SMAP1: variants seen among roughly 807,000 people sequenced by gnomAD.
SMAP1 encodes small ArfGAP 1.
In SMAP1, 24 loss-of-function variants were observed where a neutral mutation model predicts 58.5. That is an observed-to-expected ratio of 0.41 (90% CI 0.30 to 0.58). The LOEUF (loss-of-function observed/expected upper bound fraction) is 0.58, where lower values mean the gene tolerates loss of function less well. SMAP1 is among the 20% of genes least tolerant of loss of function. SMAP1 has a pLI of 0.29. For synonymous variants in SMAP1, 216 were observed against 196.6 expected, an observed-to-expected ratio of 1.10 and a Z score of -0.82; for missense variants, 563 against 566.3, an observed-to-expected ratio of 0.99 and a Z score of 0.06.
intron 10 of SMAP1, chr6:70,859,835 T>C (rs1291793852): frequency 2.4e-4 from 45 of 184,436 alleles, no homozygotes. Context: ...ATACAAAGTT[T>C]ATAGGATAAT....
At chr6:70,817,390 T>C (rs1457008590) in intron 6 of SMAP1, among the ~76,000 whole-genome samples, 1 of 152,146 alleles carries the variant, frequency 6.6e-6, no homozygotes, top group Non-Finnish European at 1.5e-5. Context: ...TCTTCTGATC[T>C]TTGGAAAGTT....
intron 1 of SMAP1, among the ~76,000 whole-genome samples, chr6:70,722,707 T>C (rs1362568150): frequency 6.6e-6 from 1 of 152,244 alleles, no homozygotes; most frequent in Non-Finnish European, 1.5e-5. Flanking sequence ...GTATTCCTTA[T>C]GGGAAACAAA....
At chr6:70,848,531 T>A (rs1771071565) in intron 7 of SMAP1, among the ~76,000 whole-genome samples, 1 of 152,144 alleles carries the variant, frequency 6.6e-6, no homozygotes, top group Admixed American at 6.5e-5. Flanking sequence ...GTGAGAAGAC[T>A]CTGTTCTGGT....
chr6:70,682,066 T>C (rs867793672), intron 1 of SMAP1, among the ~76,000 whole-genome samples: 3 of 151,122 alleles, frequency 2.0e-5, no homozygotes, highest in Non-Finnish European at 4.4e-5. Context: ...TGTGAGAGAG[T>C]AAGATGGGTC....
At chr6:70,819,193 G>A (rs1050115013) in intron 6 of SMAP1, among the ~76,000 whole-genome samples, 6 of 151,912 alleles carry the variant, frequency 3.9e-5, no homozygotes, top group African/African-American at 7.3e-5. Flanking sequence ...GCATGTAAAA[G>A]TACTGCATTC....
intron 6 of SMAP1, among the ~76,000 whole-genome samples, chr6:70,835,092 A>C (rs1770518688): frequency 6.6e-6 from 1 of 151,646 alleles, no homozygotes; most frequent in African/African-American, 2.4e-5. Context: ...TACTAAAAAA[A>C]AAAAAAAAAA....
intron 3 of SMAP1, among the ~76,000 whole-genome samples, chr6:70,756,128 C>G (rs938343083): frequency 1.3e-5 from 2 of 151,960 alleles, no homozygotes; most frequent in African/African-American, 4.8e-5. Context: ...AAAAGCAGCT[C>G]ATCAAAATTG....
intron 1 of SMAP1, among the ~76,000 whole-genome samples, chr6:70,700,337 C>CA (rs1235716543): frequency 6.6e-6 from 1 of 152,234 alleles, no homozygotes; most frequent in Non-Finnish European, 1.5e-5. Flanking sequence ...GTCTCACTGT[C>CA]ACCCAGGCTG....
At position 70,861,440 on chromosome 6, in the gene SMAP1, C is replaced by T. The variant is rs1771723482; in HGVS notation, c.*1106C>T. 2 of 525,306 alleles carry T rather than the reference C, an allele frequency of 3.8e-6. No individual in the cohort carries two copies. Among genetic ancestry groups the T allele is most frequent in the African/African-American group, 1.9e-5 (1 of 52,756 alleles). The allele number at this position is 525,306 out of a possible 1,614,324, so 32.5% of individuals were successfully genotyped here. A position where few individuals can be genotyped will look rare whatever the true frequency, so the allele number is the denominator to read the frequency against. Reference sequence around the variant, plus strand: ...TCCAATTTAGTTGTTGTAGAGAAAACATGCAGAACAAATGAAGACAAAACA... The same window carrying T: ...TCCAATTTAGTTGTTGTAGAGAAAATATGCAGAACAAATGAAGACAAAACA... On this transcript the variant is annotated 3_prime_UTR_variant, in exon 11 of 11. Transcript: ENST00000370455.
At chr6:70,790,986 T>C (rs965629813) in intron 4 of SMAP1, among the ~76,000 whole-genome samples, 4 of 152,194 alleles carry the variant, frequency 2.6e-5, no homozygotes, top group African/African-American at 9.7e-5. Flanking sequence ...AAAAAGCTTT[T>C]AGATGAAACC....
At chr6:70,733,378 T>A (rs1765502128) in intron 2 of SMAP1, among the ~76,000 whole-genome samples, 1 of 152,186 alleles carries the variant, frequency 6.6e-6, no homozygotes. Context: ...AGCTTTTCGC[T>A]GGCTAGAGCA....
chr6:70,778,837 G>T (rs1420876215), intron 4 of SMAP1, among the ~76,000 whole-genome samples: 1 of 152,182 alleles, frequency 6.6e-6, no homozygotes, highest in African/African-American at 2.4e-5. Context: ...GTGGCCATGG[G>T]GTACCTCTAA....
chr6:70,673,153 A>G (rs975407398), intron 1 of SMAP1, among the ~76,000 whole-genome samples: 1 of 152,216 alleles, frequency 6.6e-6, no homozygotes, highest in Non-Finnish European at 1.5e-5. Flanking sequence ...TTACCAAGTC[A>G]TTGGAAGGGC....
chr6:70,675,890 G>A (rs551479718), intron 1 of SMAP1, among the ~76,000 whole-genome samples: 8 of 152,286 alleles, frequency 5.3e-5, no homozygotes, highest in Admixed American at 3.3e-4. Flanking sequence ...TAAGTTGTTT[G>A]TATAATAAAT....
intron 1 of SMAP1, 65 bp downstream of exon 1, chr6:70,668,206 G>T: frequency 7.0e-7 from 1 of 1,429,592 alleles, no homozygotes; most frequent in Non-Finnish European, 9.7e-7. Context: ...TCCCGCCGCT[G>T]CGGCGCTCGG....
At chr6:70,690,406 A>G (rs1767111503) in intron 1 of SMAP1, among the ~76,000 whole-genome samples, 1 of 151,996 alleles carries the variant, frequency 6.6e-6, no homozygotes, top group Non-Finnish European at 1.5e-5. Context: ...TCCTGGGTTC[A>G]AATGATTCTC....
rs775354035 is a variant in SMAP1 at position 70,859,353 on chromosome 6, C to G, written c.1270-847C>G. 3.9e-6 allele frequency: 6 copies of G among 1,549,058 alleles called. No homozygotes were observed. In the South Asian group the frequency reaches 4.8e-5, roughly 12 times the overall value. On this transcript the variant is annotated intron_variant, in intron 10 of 10. Coordinates refer to ENST00000370455, the MANE Select transcript of SMAP1 (RefSeq NM_001044305.3). Reference sequence around the variant, plus strand: ...GATAATGCAGAAGGGTGATGCTGTTCTCCAGCACTCCATCAGTGCAATCTA... The same window carrying G: ...GATAATGCAGAAGGGTGATGCTGTTGTCCAGCACTCCATCAGTGCAATCTA...
chr6:70,818,505 A>G (rs1769742155), intron 6 of SMAP1, among the ~76,000 whole-genome samples: 1 of 152,150 alleles, frequency 6.6e-6, no homozygotes, highest in African/African-American at 2.4e-5. Flanking sequence ...TATAACGGGG[A>G]ATTCTTTTAG....
intron 1 of SMAP1, among the ~76,000 whole-genome samples, chr6:70,720,443 T>A (rs1768472044): frequency 6.6e-6 from 1 of 152,146 alleles, no homozygotes; most frequent in Non-Finnish European, 1.5e-5. Flanking sequence ...TGTTAGTGGA[T>A]CTACCATTCT....
Sources: allele counts gnomAD v4.1 joint callset (sites outside exome capture counted in the v4.1 genomes callset), GRCh38; gene constraint gnomAD v4.1.1; transcripts MANE v1.5; gene names NCBI Gene and HGNC (gene_info 2026-07-23, HGNC 2026-07-21).